Variants in NEGR1 observed in about 807,000 individuals in gnomAD.
NEGR1 encodes IgLON family member 4.
NEGR1 carries 10 observed loss-of-function variants against 40.9 expected under a neutral mutation model. The ratio of observed to expected loss-of-function variants is 0.24; its 90% CI spans 0.15 to 0.42. The LOEUF (loss-of-function observed/expected upper bound fraction) is 0.42, where lower values mean the gene tolerates loss of function less well. Among genes scored for constraint, NEGR1 ranks in the 10% least tolerant of loss-of-function variants. The pLI is 1.00. For synonymous variants in NEGR1, 185 were observed against 166.8 expected (o/e 1.11, Z -0.84); for missense variants, 352 against 438.9 (o/e 0.80, Z 1.77).
chr1:71,531,494 T>A (rs1647354311), intron 6 of NEGR1, among the ~76,000 whole-genome samples: 1 of 151,392 alleles, frequency 6.6e-6, no homozygotes, highest in Non-Finnish European at 1.5e-5. Flanking sequence ...TATGATCTCA[T>A]ATGAACCTGA....
intron 6 of NEGR1, among the ~76,000 whole-genome samples, chr1:71,578,708 T>C (rs1441885354): frequency 6.6e-6 from 1 of 152,092 alleles, no homozygotes; most frequent in Admixed American, 6.6e-5. Flanking sequence ...TGGTATGAAT[T>C]AATGAATAGA....
intron 1 of NEGR1, among the ~76,000 whole-genome samples, chr1:72,266,724 A>AACAT (rs1553155174): frequency 3.0e-5 from 4 of 133,726 alleles, no homozygotes; most frequent in African/African-American, 1.1e-4. Flanking sequence ...TAGACAGATA[A>AACAT]ACACACACAC....
At chr1:71,820,251 A>G (rs1658380376) in intron 2 of NEGR1, among the ~76,000 whole-genome samples, 1 of 151,978 alleles carries the variant, frequency 6.6e-6, no homozygotes, top group African/African-American at 2.4e-5. Context: ...TCAAAGTTAG[A>G]TGACCAGAAG....
intron 1 of NEGR1, among the ~76,000 whole-genome samples, chr1:71,977,773 CAAAA>C (rs35651349): frequency 1.2e-5 from 1 of 86,480 alleles, no homozygotes; most frequent in Non-Finnish European, 2.5e-5. Flanking sequence ...AAGTAGAAGT[CAAAA>C]AAAAAAAAAA....
chr1:71,549,731 G>A (rs357234), intron 6 of NEGR1, among the ~76,000 whole-genome samples: 94,681 of 151,292 alleles, frequency 0.63, 30,548 homozygotes, highest in Non-Finnish European at 0.72. Flanking sequence ...GAAGAGAGGT[G>A]GAGAGTCATA....
At chr1:72,096,651 T>A (rs1648710162) in intron 1 of NEGR1, among the ~76,000 whole-genome samples, 1 of 151,100 alleles carries the variant, frequency 6.6e-6, no homozygotes, top group Non-Finnish European at 1.5e-5. Flanking sequence ...CTTTTACTTT[T>A]ATTTTATTTT....
At chr1:71,682,252 C>G (rs2101611569) in intron 4 of NEGR1, among the ~76,000 whole-genome samples, 1 of 152,018 alleles carries the variant, frequency 6.6e-6, no homozygotes, top group East Asian at 1.9e-4. Context: ...CTAATCTTCA[C>G]ACTTGGAAGT....
chr1:72,149,298 T>TC (rs1651028013), intron 1 of NEGR1, among the ~76,000 whole-genome samples: 1 of 151,886 alleles, frequency 6.6e-6, no homozygotes, highest in Non-Finnish European at 1.5e-5. Context: ...TTCAACTACC[T>TC]CCCCCTGGGT....
At chr1:72,196,821 G>A (rs1306306408) in intron 1 of NEGR1, among the ~76,000 whole-genome samples, 1 of 149,990 alleles carries the variant, frequency 6.7e-6, no homozygotes, top group Admixed American at 6.7e-5. Context: ...TACAATAAAA[G>A]GATTTCTGGC....
At chr1:72,040,776 A>T (rs1646946599) in intron 1 of NEGR1, among the ~76,000 whole-genome samples, 1 of 151,736 alleles carries the variant, frequency 6.6e-6, no homozygotes, top group Non-Finnish European at 1.5e-5. Context: ...ATAAAAGAAA[A>T]CAACAATTGA....
intron 3 of NEGR1, among the ~76,000 whole-genome samples, chr1:71,710,696 A>G (rs1182923626): frequency 6.6e-6 from 1 of 152,126 alleles, no homozygotes; most frequent in Admixed American, 6.5e-5. Flanking sequence ...AAAACACCAG[A>G]ACTTGTGGTC....
At chr1:72,118,028 G>A (rs891876216) in intron 1 of NEGR1, among the ~76,000 whole-genome samples, 10 of 151,728 alleles carry the variant, frequency 6.6e-5, no homozygotes, top group African/African-American at 2.4e-4. Flanking sequence ...ATTCTCTTTG[G>A]GCAAGAAACT....
At chr1:72,027,222 G>A (rs1292014946) in intron 1 of NEGR1, among the ~76,000 whole-genome samples, 3 of 152,056 alleles carry the variant, frequency 2.0e-5, no homozygotes, top group African/African-American at 7.2e-5. Context: ...CACCGCACCC[G>A]GCCCAAGACT....
chr1:71,656,594 G>C (rs959409936), intron 4 of NEGR1, among the ~76,000 whole-genome samples: 1 of 152,012 alleles, frequency 6.6e-6, no homozygotes, highest in African/African-American at 2.4e-5. Context: ...TTGTATTTTT[G>C]GTAGAGACGG....
intron 1 of NEGR1, among the ~76,000 whole-genome samples, chr1:71,977,167 A>C (rs1646312501): frequency 6.6e-6 from 1 of 152,158 alleles, no homozygotes; most frequent in Non-Finnish European, 1.5e-5. Flanking sequence ...CACTAAAAAT[A>C]CAAAAAAAAT....
intron 2 of NEGR1, among the ~76,000 whole-genome samples, chr1:71,875,415 G>A (rs1463592000): frequency 6.6e-6 from 1 of 152,176 alleles, no homozygotes; most frequent in Non-Finnish European, 1.5e-5. Flanking sequence ...TGTAAAAGCA[G>A]ATATCTGGTC....
chr1:71,829,899 C>CA (rs1397455163), intron 2 of NEGR1, among the ~76,000 whole-genome samples: 2 of 151,930 alleles, frequency 1.3e-5, no homozygotes, highest in African/African-American at 4.8e-5. Flanking sequence ...CTACCTCCCC[C>CA]AAGGTGTTTG....
intron 6 of NEGR1, among the ~76,000 whole-genome samples, chr1:71,432,142 T>G (rs1646473656): frequency 6.6e-6 from 1 of 152,192 alleles, no homozygotes; most frequent in African/African-American, 2.4e-5. Flanking sequence ...TTGAGTGGTT[T>G]TGAGCAGAGG....
chr1:71,539,996 A>ATG (rs1461117419), intron 6 of NEGR1, among the ~76,000 whole-genome samples: 1 of 151,810 alleles, frequency 6.6e-6, no homozygotes, highest in Non-Finnish European at 1.5e-5. Context: ...ACCAACCAAA[A>ATG]TGTTTATCCC....
Sources: allele counts gnomAD v4.1 joint callset (sites outside exome capture counted in the v4.1 genomes callset), GRCh38; gene constraint gnomAD v4.1.1; transcripts MANE v1.5; gene names NCBI Gene and HGNC (gene_info 2026-07-23, HGNC 2026-07-21).